Variants in PDE1C observed in about 807,000 individuals in gnomAD.
PDE1C encodes the protein dual specificity calcium/calmodulin-dependent 3',5'-cyclic nucleotide phosphodiesterase 1C.
In PDE1C, 62 loss-of-function variants were observed where a neutral mutation model predicts 93.1. The observed-to-expected ratio is 0.67, with a 90% CI of 0.54 to 0.82. The LOEUF (loss-of-function observed/expected upper bound fraction) is 0.82. PDE1C is among the 40% of genes least tolerant of loss of function. The pLI, the probability that PDE1C is intolerant of heterozygous loss-of-function variation, is 0.00. For missense variants in PDE1C, 742 were observed against 884.6 expected, an observed-to-expected ratio of 0.84 and a Z score of 2.04; for synonymous variants, 325 against 310.1, an observed-to-expected ratio of 1.05 and a Z score of -0.50.
intron 2 of PDE1C, among the ~76,000 whole-genome samples, chr7:32,025,134 C>T (rs904992677): frequency 6.6e-6 from 1 of 152,260 alleles, no homozygotes; most frequent in Admixed American, 6.5e-5. Context: ...GAATCTGGGC[C>T]ACAAGCTTGG....
chr7:31,637,894 A>C, the PDE1C span, among the ~76,000 whole-genome samples: 12 of 152,180 alleles, frequency 7.9e-5, no homozygotes, highest in African/African-American at 2.7e-4. Flanking sequence ...TCTTTAATCC[A>C]TCTTGAATTA....
At chr7:31,785,424 G>T (rs1783825468) in intron 16 of PDE1C, 1 of 152,082 alleles carries the variant, frequency 6.6e-6, no homozygotes, top group African/African-American at 2.4e-5. Flanking sequence ...GGGAACAGAA[G>T]CCAGAATAAA....
In PDE1C at chr7:31,775,644, G is replaced by A. The variant is rs770463726; in HGVS notation, c.1960+20C>T. On this transcript the variant is annotated intron_variant, in intron 17 of 17. Coordinates refer to ENST00000396191, the MANE Select transcript of PDE1C (RefSeq NM_001191057.4). ...ATTGTCTGTGGTCACTAAGATAATG[G>A]TGCAATGCTGTTTACCCACCTGGCA... 4 of 1,605,504 alleles carry A rather than the reference G, an allele frequency of 2.5e-6. No homozygotes were observed. Among genetic ancestry groups the A allele is most frequent in the Admixed American group, 3.3e-5 (2 of 59,988 alleles).
At chr7:32,001,887 C>G (rs1785510255) in intron 2 of PDE1C, among the ~76,000 whole-genome samples, 1 of 152,074 alleles carries the variant, frequency 6.6e-6, no homozygotes, top group Non-Finnish European at 1.5e-5. Flanking sequence ...CAGCAAAACC[C>G]CACCTCTACT....
At chr7:32,051,603 A>AT (rs770208991) in intron 1 of PDE1C, 23 bp from the exon 2 acceptor site, 1 of 1,610,694 alleles carries the variant, frequency 6.2e-7, no homozygotes, top group Non-Finnish European at 8.5e-7. Context: ...GCATAAACAT[A>AT]TATCAGAAAA....
At chr7:32,173,976 AAAATTAAAG>A (rs1045015910) in intron 2 of PDE1C, among the ~76,000 whole-genome samples, 192 of 152,306 alleles carry the variant, frequency 1.3e-3, no homozygotes, top group African/African-American at 4.4e-3. Context: ...CTATCAAGAG[AAAATTAAAG>A]TACATCAGTG....
intron 2 of PDE1C, among the ~76,000 whole-genome samples, chr7:31,889,695 G>A (rs767384680): frequency 9.9e-5 from 15 of 152,202 alleles, no homozygotes; most frequent in Admixed American, 9.8e-4. Flanking sequence ...CAAAGTGAGT[G>A]TGTCAGCTCA....
chr7:31,631,446 G>A, the PDE1C span, among the ~76,000 whole-genome samples: 1 of 152,150 alleles, frequency 6.6e-6, no homozygotes, highest in Non-Finnish European at 1.5e-5. Context: ...AAAGATTTTA[G>A]TCATTTTCTT....
chr7:31,704,891 C>A, the PDE1C span, among the ~76,000 whole-genome samples: 1 of 152,084 alleles, frequency 6.6e-6, no homozygotes, highest in South Asian at 2.1e-4. Flanking sequence ...CAGACCAGTG[C>A]TTCCCAAACC....
At position 32,047,032 on chromosome 7, in the gene PDE1C, G is replaced by GATGTGTGT. The variant is rs113331207; in HGVS notation, c.128+4521_128+4522insACACACAT. Among the ~76,000 whole-genome samples the GATGTGTGT allele has an allele frequency of 5.3e-3, 786 of 148,806 alleles. 6 individuals carry two copies. Among genetic ancestry groups the GATGTGTGT allele is most frequent in the African/African-American group, 0.019 (754 of 40,402 alleles). On this transcript the variant is annotated intron_variant, in intron 2 of 17. Transcript: ENST00000396191. The stretch of plus-strand genomic sequence containing the variant: ...TAATCCCCTATCATACTGAAATAGG[G>GATGTGTGT]GTGTGTGTGTGTGTGTGTGTGCGAG...
At chr7:32,264,160 A>C (rs1172516213) in intron 1 of PDE1C, among the ~76,000 whole-genome samples, 1 of 152,216 alleles carries the variant, frequency 6.6e-6, no homozygotes, top group Admixed American at 6.5e-5. Context: ...TGGTACCTCT[A>C]TATTTCAAAC....
intron 3 of PDE1C, among the ~76,000 whole-genome samples, chr7:32,110,818 A>G (rs1217451857): frequency 1.3e-5 from 2 of 152,226 alleles, no homozygotes; most frequent in African/African-American, 4.8e-5. Flanking sequence ...CCAGTAAAAT[A>G]TCTCACATTG....
intron 1 of PDE1C, 90 bp downstream of exon 1, chr7:32,070,203 G>C: frequency 1.3e-6 from 2 of 1,587,704 alleles, no homozygotes; most frequent in East Asian, 4.5e-5. Context: ...GCCCATGCAG[G>C]AACAGGGTGA....
At chr7:31,997,645 T>G (rs1784887669) in intron 2 of PDE1C, among the ~76,000 whole-genome samples, 2 of 152,336 alleles carry the variant, frequency 1.3e-5, no homozygotes, top group Admixed American at 6.5e-5. Context: ...AAAAGGTAGA[T>G]GCTGTCTGTT....
rs904668965 is a variant in PDE1C at position 32,087,224 on chromosome 7, T to A, written c.308+82561A>T. Among the ~76,000 whole-genome samples the A allele has an allele frequency of 5.4e-5, 8 of 149,284 alleles. 1 individual carries two copies. The South Asian group carries it at 1.7e-3, about 33-fold the overall frequency. On this transcript the variant is annotated intron_variant, in intron 3 of 18. Coordinates refer to the PDE1C transcript ENST00000396193. ...TAGAGACTTCTCAAAAGAAGACATT[T>A]ATGCAGCCAAAAGACACATGAAAAA...
intron 2 of PDE1C, among the ~76,000 whole-genome samples, chr7:31,980,356 C>T (rs1245341222): frequency 6.6e-6 from 1 of 152,056 alleles, no homozygotes; most frequent in East Asian, 1.9e-4. Context: ...GATTTAAATT[C>T]CAGCTTAATT....
chr7:31,672,796 C>T, the PDE1C span, among the ~76,000 whole-genome samples: 2 of 152,298 alleles, frequency 1.3e-5, no homozygotes, highest in East Asian at 3.9e-4. Flanking sequence ...TATGGTTTGG[C>T]TCTGTGTCCC....
chr7:32,238,616 G>A (rs1808314267), intron 1 of PDE1C, among the ~76,000 whole-genome samples: 1 of 152,160 alleles, frequency 6.6e-6, no homozygotes. Context: ...AACAGAGGTG[G>A]GAGGAAGGAT....
chr7:31,625,843 T>G, the PDE1C span, among the ~76,000 whole-genome samples: 1 of 152,152 alleles, frequency 6.6e-6, no homozygotes, highest in South Asian at 2.1e-4. Context: ...TTTTTCTTTA[T>G]AAAGCTATTT....
Sources: allele counts gnomAD v4.1 joint callset (sites outside exome capture counted in the v4.1 genomes callset), GRCh38; gene constraint gnomAD v4.1.1; transcripts MANE v1.5; gene names NCBI Gene and HGNC (gene_info 2026-07-23, HGNC 2026-07-21).